Variants in BLTP2 observed in about 807,000 individuals in gnomAD.
BLTP2 encodes the protein bridge-like lipid transfer protein family member 2.
chr17:28,620,951 C>A, the BLTP2 span: 1 of 1,577,954 alleles, frequency 6.3e-7, no homozygotes, highest in South Asian at 1.1e-5. Flanking sequence ...CACAATTTCT[C>A]TAGTCCCTTC....
At chr17:28,621,663 C>CTCAT in the BLTP2 span, among the ~76,000 whole-genome samples, 2 of 152,178 alleles carry the variant, frequency 1.3e-5, no homozygotes. Flanking sequence ...ACATACTTGT[C>CTCAT]TCATTCTCTT....
chr17:28,615,604 G>C, the BLTP2 span: 4 of 1,582,668 alleles, frequency 2.5e-6, no homozygotes, highest in East Asian at 4.5e-5. Context: ...AAAGGCTCCT[G>C]AAAAGAGGAT....
chr17:28,618,653 C>T, the BLTP2 span: 9 of 641,060 alleles, frequency 1.4e-5, no homozygotes, highest in Non-Finnish European at 1.6e-5. Context: ...TTAATGAGCT[C>T]GTTAATATTA....
At chr17:28,644,911 T>C in the BLTP2 span, 17 of 1,128,140 alleles carry the variant, frequency 1.5e-5, no homozygotes, top group Admixed American at 3.9e-4. Flanking sequence ...GCGCGCCCCC[T>C]CCTCAGTCTT....
At chr17:28,633,285 A>T in the BLTP2 span, 2 of 1,611,966 alleles carry the variant, frequency 1.2e-6, no homozygotes. Flanking sequence ...CCACTCACTT[A>T]GAGGCTGTTC....
At chr17:28,639,663 G>C in the BLTP2 span, 1 of 1,610,024 alleles carries the variant, frequency 6.2e-7, no homozygotes, top group Non-Finnish European at 8.5e-7. Flanking sequence ...CCAGAGGACA[G>C]ATCAGAGGAG....
the BLTP2 span, chr17:28,616,439 A>C: frequency 6.2e-7 from 1 of 1,614,058 alleles, no homozygotes; most frequent in Admixed American, 1.7e-5. The surrounding 1 kb of genome is among the most constrained non-coding windows in gnomAD (Gnocchi z 4.8). Flanking sequence ...CCTGTGCCAC[A>C]CCCTTCCCAG....
chr17:28,626,325 T>C, the BLTP2 span, among the ~76,000 whole-genome samples: 1 of 152,224 alleles, frequency 6.6e-6, no homozygotes, highest in South Asian at 2.1e-4. Flanking sequence ...CTCACTCCTC[T>C]CCCTTAGTTA....
At chr17:28,642,963 T>C in the BLTP2 span, 1 of 1,604,034 alleles carries the variant, frequency 6.2e-7, no homozygotes, top group Non-Finnish European at 8.5e-7. Flanking sequence ...ATGATGTTTA[T>C]AGCATCTACA....
chr17:28,643,247 GGTCAGA>G, the BLTP2 span: 1 of 1,614,134 alleles, frequency 6.2e-7, no homozygotes, highest in South Asian at 1.1e-5. Flanking sequence ...GGGGCAGACA[GGTCAGA>G]AACTTTCTGT....
chr17:28,620,528 T>C, the BLTP2 span: 5 of 1,614,180 alleles, frequency 3.1e-6, no homozygotes, highest in Admixed American at 3.3e-5. Context: ...AGGTTCTACA[T>C]GGAGCAGCAG....
chr17:28,617,467 T>G, the BLTP2 span: 1 of 595,224 alleles, frequency 1.7e-6, no homozygotes, highest in East Asian at 2.8e-5. Flanking sequence ...ATCAACACTC[T>G]TTAATCCAGT....
At chr17:28,623,895 G>C in the BLTP2 span, 1 of 1,614,106 alleles carries the variant, frequency 6.2e-7, no homozygotes, top group Non-Finnish European at 8.5e-7. Context: ...GATGGTGCTG[G>C]CACTGCAGCA....
At chr17:28,644,867 C>G in the BLTP2 span, 26 of 838,970 alleles carry the variant, frequency 3.1e-5, no homozygotes, top group East Asian at 7.2e-4. Flanking sequence ...CTCCCTCCAC[C>G]CTACCCACTC....
At chr17:28,628,535 G>A in the BLTP2 span, 3 of 1,613,868 alleles carry the variant, frequency 1.9e-6, no homozygotes, top group East Asian at 6.7e-5. Context: ...TGAAAGGTAG[G>A]ATCCCCATCA....
the BLTP2 span, chr17:28,639,226 TAC>T: frequency 3.9e-5 from 53 of 1,350,274 alleles, no homozygotes; most frequent in African/African-American, 7.0e-4. Context: ...AACAACCAAA[TAC>T]ATATTTAACA....
the BLTP2 span, chr17:28,637,251 T>C: frequency 2.1e-5 from 23 of 1,082,978 alleles, no homozygotes; most frequent in Middle Eastern, 4.0e-4. Context: ...TCTCACTTAT[T>C]CCCTTAACTA....
chr17:28,618,806 C>A, the BLTP2 span: 1 of 1,613,874 alleles, frequency 6.2e-7, no homozygotes, highest in Non-Finnish European at 8.5e-7. Flanking sequence ...TGTAGAGGAA[C>A]CTCTGCAGTT....
At chr17:28,624,374 C>T in the BLTP2 span, 1 of 1,613,294 alleles carries the variant, frequency 6.2e-7, no homozygotes, top group Non-Finnish European at 8.5e-7. Flanking sequence ...CAATTAGCTT[C>T]TGCAACATGT....
Sources: gnomAD v4.1 joint callset for allele counts (sites outside exome capture counted in the v4.1 genomes callset) on GRCh38, gnomAD v4.1.1 for gene constraint, Gnocchi (gnomAD v3.1) non-coding constraint, MANE v1.5 for transcripts, NCBI Gene and HGNC (gene_info 2026-07-23, HGNC 2026-07-21) for gene names.